MBNL3: variants seen among roughly 807,000 people sequenced by gnomAD.
The protein encoded by MBNL3 is muscleblind-like protein 3.
In MBNL3, 6 loss-of-function variants were observed where a neutral mutation model predicts 24.5. The observed-to-expected ratio is 0.25, with a 90% CI of 0.13 to 0.48. MBNL3 has a LOEUF of 0.48. Ranked by LOEUF, MBNL3 falls within the 20% of genes least tolerant of loss-of-function variation. The probability of loss-of-function intolerance (pLI) is 0.99; values close to 1 mark genes in which losing one functional copy is unlikely to be tolerated. For synonymous variants in MBNL3, 100 were observed against 101.7 expected (o/e 0.98, Z 0.10); for missense variants, 230 against 293.5 (o/e 0.78, Z 1.58).
chrX:132,387,561 T>A (rs1232951234), intron 5 of MBNL3, among the ~76,000 whole-genome samples: 1 of 111,135 alleles, frequency 9.0e-6, no homozygotes, highest in East Asian at 2.8e-4. Flanking sequence ...GGCATATAGG[T>A]GATAAAACAG....
At chrX:132,423,462 A>G (rs1944010961) in intron 2 of MBNL3, among the ~76,000 whole-genome samples, 1 of 111,386 alleles carries the variant, frequency 9.0e-6, no homozygotes, top group African/African-American at 3.3e-5. Flanking sequence ...ATACCTAGAA[A>G]AAGACAAGCT....
At chrX:132,466,154 T>C (rs1001372077) in intron 1 of MBNL3, among the ~76,000 whole-genome samples, 2 of 112,449 alleles carry the variant, frequency 1.8e-5, no homozygotes, top group African/African-American at 6.5e-5. Flanking sequence ...TCTTTGGAAA[T>C]ATTTCTGAAG....
At chrX:132,463,377 G>A (rs967790137) in intron 1 of MBNL3, among the ~76,000 whole-genome samples, 5 of 111,783 alleles carry the variant, frequency 4.5e-5, no homozygotes, top group Non-Finnish European at 7.5e-5. Flanking sequence ...CAGGAGAATC[G>A]CTTGAACCCG....
chrX:132,387,588 G>A (rs1936331321), intron 5 of MBNL3, among the ~76,000 whole-genome samples: 1 of 111,450 alleles, frequency 9.0e-6, no homozygotes, highest in African/African-American at 3.3e-5. Flanking sequence ...GTAGATCAGA[G>A]TCTGACACTG....
intron 1 of MBNL3, among the ~76,000 whole-genome samples, chrX:132,466,322 T>A (rs1222309930): frequency 8.9e-6 from 1 of 112,015 alleles, no homozygotes; most frequent in Admixed American, 9.5e-5. Flanking sequence ...GTGTTTTTGG[T>A]GTCTTCATTT....
At chrX:132,456,405 A>C (rs1202412703) in intron 1 of MBNL3, among the ~76,000 whole-genome samples, 2 of 112,195 alleles carry the variant, frequency 1.8e-5, no homozygotes, top group Non-Finnish European at 3.8e-5. Flanking sequence ...TCTAAAGCCA[A>C]TCTTTGTTAT....
At chrX:132,460,349 AAC>A (rs1480239158) in intron 1 of MBNL3, among the ~76,000 whole-genome samples, 1 of 111,916 alleles carries the variant, frequency 8.9e-6, no homozygotes, top group Non-Finnish European at 1.9e-5. Context: ...TGAAACGTGT[AAC>A]AGTTATCCCA....
intron 2 of MBNL3, among the ~76,000 whole-genome samples, chrX:132,407,469 T>G (rs941943478): frequency 8.9e-6 from 1 of 112,576 alleles, no homozygotes; most frequent in Non-Finnish European, 1.9e-5. Context: ...TAAATTAAAG[T>G]GATTTACAAA....
chrX:132,407,311 C>A (rs1405523951), intron 2 of MBNL3, among the ~76,000 whole-genome samples: 3 of 111,851 alleles, frequency 2.7e-5, no homozygotes, highest in African/African-American at 9.8e-5. Context: ...AATATTAGAT[C>A]ACTAGGGCAA....
chrX:132,441,562 A>C (rs1209633846), intron 1 of MBNL3, among the ~76,000 whole-genome samples: 1 of 112,248 alleles, frequency 8.9e-6, no homozygotes. Flanking sequence ...GTATTTTAAA[A>C]ATAACCTGAT....
At chrX:132,485,037 G>C (rs961004713) in intron 1 of MBNL3, among the ~76,000 whole-genome samples, 3 of 110,004 alleles carry the variant, frequency 2.7e-5, no homozygotes, top group Non-Finnish European at 5.7e-5. Flanking sequence ...ATTTTTTTCT[G>C]AAAGTTAACT....
chrX:132,447,373 A>G (rs777366583), intron 1 of MBNL3, among the ~76,000 whole-genome samples: 7 of 111,993 alleles, frequency 6.3e-5, no homozygotes, highest in African/African-American at 2.3e-4. Context: ...ATATTGATTC[A>G]TCCCATCCAT....
intron 1 of MBNL3, among the ~76,000 whole-genome samples, chrX:132,482,985 C>T (rs1947819767): frequency 8.9e-6 from 1 of 112,463 alleles, no homozygotes; most frequent in African/African-American, 3.2e-5. Context: ...TAAAATGTAA[C>T]TCTATAACAT....
chrX:132,381,476 A>G (rs1934943923), intron 8 of MBNL3: 3 of 875,700 alleles, frequency 3.4e-6, no homozygotes, highest in Admixed American at 2.7e-5. Flanking sequence ...GTTTCTTGGG[A>G]GAATTCTGTT....
chrX:132,457,751 A>G (rs1946441928), intron 1 of MBNL3, among the ~76,000 whole-genome samples: 1 of 111,821 alleles, frequency 8.9e-6, no homozygotes, highest in African/African-American at 3.2e-5. Flanking sequence ...TTCAACTCAC[A>G]CTGACATAAA....
chrX:132,448,280 T>C (rs189490353), intron 1 of MBNL3, among the ~76,000 whole-genome samples: 93 of 111,904 alleles, frequency 8.3e-4, no homozygotes, highest in African/African-American at 3.0e-3. Flanking sequence ...TCCTGGGCTT[T>C]TCGGGGTGGG....
At chrX:132,464,101 G>A (rs1381164641) in intron 1 of MBNL3, among the ~76,000 whole-genome samples, 1 of 112,255 alleles carries the variant, frequency 8.9e-6, no homozygotes, top group Admixed American at 9.4e-5. Context: ...ATGAAAATAC[G>A]GAATTAATTT....
At chrX:132,487,266 G>C (rs1299563777) in intron 1 of MBNL3, among the ~76,000 whole-genome samples, 1 of 111,056 alleles carries the variant, frequency 9.0e-6, no homozygotes, top group Non-Finnish European at 1.9e-5. Context: ...CACTAAAAAT[G>C]GGAGAAGTTG....
intron 3 of MBNL3, among the ~76,000 whole-genome samples, chrX:132,399,974 G>A (rs1163008507): frequency 9.0e-6 from 1 of 110,583 alleles, no homozygotes; most frequent in African/African-American, 3.3e-5. Flanking sequence ...AACTAACTGA[G>A]CTAACCAGCC....
Sources: gnomAD v4.1 joint callset for allele counts (sites outside exome capture counted in the v4.1 genomes callset) on GRCh38, gnomAD v4.1.1 for gene constraint, MANE v1.5 for transcripts, NCBI Gene and HGNC (gene_info 2026-07-23, HGNC 2026-07-21) for gene names.